PRKAG2: variants seen among roughly 807,000 people sequenced by gnomAD.
PRKAG2 encodes the protein 5'-AMP-activated protein kinase subunit gamma-2.
A neutral mutation model predicts 69.6 loss-of-function variants in PRKAG2; 26 were observed. The observed-to-expected ratio is 0.37, with a 90% CI of 0.27 to 0.52. The LOEUF is 0.52. PRKAG2 is among the 20% of genes least tolerant of loss of function. The pLI is 0.90. For missense variants in PRKAG2, 557 were observed against 740.0 expected (o/e 0.75, Z 2.87); for synonymous variants, 293 against 285.0 (o/e 1.03, Z -0.28).
intron 4 of PRKAG2, among the ~76,000 whole-genome samples, chr7:151,655,072 G>A (rs1225111413): frequency 3.3e-5 from 5 of 152,136 alleles, no homozygotes; most frequent in Admixed American, 1.3e-4. Context: ...CAAATGACAA[G>A]TATTACTCGG....
At position 151,836,571 on chromosome 7, in the gene PRKAG2, T is replaced by C. The variant is rs553282456; in HGVS notation, c.114+39936A>G. On this transcript the variant is annotated intron_variant, in intron 1 of 15. Transcript: ENST00000287878. This position sits in a 1 kb window ranked among gnomAD's most constrained non-coding sequence, Gnocchi z 4.1. ...GGATCAGAACTTGCCCCCTTCCCAG[T>C]GTGAATTCCCCTCCGATGGGGTGTG... Among the ~76,000 whole-genome samples the C allele has an allele frequency of 6.6e-6, 1 of 152,148 alleles. No homozygotes were observed. The highest frequency in any genetic ancestry group is 2.4e-5 in the African/African-American group (1 of 41,454).
intron 5 of PRKAG2, among the ~76,000 whole-genome samples, chr7:151,628,270 G>A (rs1279353326): frequency 6.6e-6 from 1 of 152,184 alleles, no homozygotes; most frequent in African/African-American, 2.4e-5. Flanking sequence ...ACTTCAAAAA[G>A]CATTCATGAG....
chr7:151,710,334 C>T (rs1013680374), intron 3 of PRKAG2, among the ~76,000 whole-genome samples: 10 of 152,186 alleles, frequency 6.6e-5, no homozygotes, highest in African/African-American at 2.4e-4. Flanking sequence ...AGGCTTCGCT[C>T]TCGCCCCCCG....
Position 151,876,757 on chromosome 7 carries a change from AGG to A in PRKAG2, c.-139_-138del, listed in dbSNP as rs2080415326. On this transcript the variant is annotated 5_prime_UTR_variant, in exon 1 of 16. Transcript: ENST00000287878. ...CCACCTCGTGGGGACTTCCGCGGAG[AGG>A]GAGGGTGAGCAGGGAACTCGCGCGG... is the stretch of plus-strand genomic sequence containing the variant. The A allele has an allele frequency of 5.9e-6, 5 of 847,006 alleles. No homozygotes were observed. The highest frequency in any genetic ancestry group is 7.7e-6 in the Non-Finnish European group (4 of 521,368). The allele number at this position is 847,006 out of a possible 1,614,324, so 52.5% of individuals were successfully genotyped here. A position where few individuals can be genotyped will look rare whatever the true frequency, so the allele number is the denominator to read the frequency against.
At chr7:151,822,606 G>A (rs2078814129) in intron 1 of PRKAG2, among the ~76,000 whole-genome samples, 1 of 152,204 alleles carries the variant, frequency 6.6e-6, no homozygotes, top group Admixed American at 6.5e-5. Flanking sequence ...GGAACGGTGA[G>A]CCGGCCCCGC....
intron 2 of PRKAG2, among the ~76,000 whole-genome samples, chr7:151,785,305 G>A (rs1384799712): frequency 6.6e-6 from 1 of 152,234 alleles, no homozygotes; most frequent in Non-Finnish European, 1.5e-5. Context: ...GGGTTTTGCA[G>A]AGTCAAACAG....
chr7:151,713,549 A>G (rs1224668892), intron 3 of PRKAG2, among the ~76,000 whole-genome samples: 1 of 151,786 alleles, frequency 6.6e-6, no homozygotes, highest in Non-Finnish European at 1.5e-5. Flanking sequence ...CATTTCAACA[A>G]CTATTAACTC....
intron 14 of PRKAG2, 28 bp from the exon 15 acceptor site, chr7:151,560,645 A>T (rs1804731643): frequency 3.1e-6 from 5 of 1,613,550 alleles, no homozygotes; most frequent in Non-Finnish European, 4.2e-6. Context: ...GGACACGTGA[A>T]AATTAACATT....
rs118047557 is a variant in PRKAG2, at chr7:151,716,968, C to T, written c.467-41331G>A. ...CAACAAAAGAGGGAAAGAGGTGGGCCGGGTGTGGTGGCTCACGCCTGTAAT... is the reference window on the plus strand; with the variant it reads ...CAACAAAAGAGGGAAAGAGGTGGGCTGGGTGTGGTGGCTCACGCCTGTAAT... On this transcript the variant is annotated intron_variant, in intron 3 of 15. Coordinates refer to ENST00000287878, the MANE Select transcript of PRKAG2 (RefSeq NM_016203.4). Among the ~76,000 whole-genome samples the T allele has an allele frequency of 5.2e-4, 79 of 152,172 alleles. 2 individuals carry two copies. The East Asian group carries it at 0.014, about 26-fold the overall frequency.
At chr7:151,795,863 ATATATATATATATATATATATATAT>A (rs2077488244) in intron 1 of PRKAG2, among the ~76,000 whole-genome samples, 2 of 110,382 alleles carry the variant, frequency 1.8e-5, no homozygotes, top group African/African-American at 7.7e-5. Flanking sequence ...ATATATATAT[ATATATATATATATATATATATATAT>A]ATCACGATAA....
chr7:151,827,895 A>G (rs1366541534), intron 1 of PRKAG2, among the ~76,000 whole-genome samples: 1 of 152,058 alleles, frequency 6.6e-6, no homozygotes, highest in East Asian at 1.9e-4. Flanking sequence ...ATATTGTAAT[A>G]GTGGATGTGG....
chr7:151,838,852 T>C (rs1212890157), intron 1 of PRKAG2, among the ~76,000 whole-genome samples: 1 of 150,654 alleles, frequency 6.6e-6, no homozygotes, highest in Non-Finnish European at 1.5e-5. Flanking sequence ...CCATCTCTAC[T>C]AAAAATACAA....
intron 4 of PRKAG2, among the ~76,000 whole-genome samples, chr7:151,659,049 G>A (rs938958132): frequency 5.9e-5 from 9 of 152,180 alleles, no homozygotes; most frequent in African/African-American, 2.2e-4. Flanking sequence ...TCTGGTGCCT[G>A]AGCAATCAAC....
At chr7:151,696,829 AG>A (rs1427279191) in intron 3 of PRKAG2, among the ~76,000 whole-genome samples, 1 of 152,196 alleles carries the variant, frequency 6.6e-6, no homozygotes, top group African/African-American at 2.4e-5. Context: ...AGTGGGGAGC[AG>A]CCCGGAGTGT....
chr7:151,704,486 A>C (rs1838270519), intron 3 of PRKAG2, among the ~76,000 whole-genome samples: 1 of 152,214 alleles, frequency 6.6e-6, no homozygotes, highest in South Asian at 2.1e-4. Context: ...AGGAGGTTCC[A>C]TTATGCAAAT....
At position 151,594,785 on chromosome 7, in the gene PRKAG2, TTGTGGACTAAG is replaced by T. The variant is rs1287658475; in HGVS notation, c.864+549_864+559del. ...TTAGGTCCTTAAATTCCACAACAACTTGTGGACTAAGCTTTCTTTTTCTTTTTTTTTTGAGA... is the reference window on the plus strand; with the variant it reads ...TTAGGTCCTTAAATTCCACAACAACTCTTTCTTTTTCTTTTTTTTTTGAGA... On this transcript the variant is annotated intron_variant, in intron 6 of 15. Coordinates refer to ENST00000287878, the MANE Select transcript of PRKAG2 (RefSeq NM_016203.4). 3.9e-5 allele frequency among the ~76,000 whole-genome samples: 6 copies of T among 151,934 alleles called. No individual in the cohort carries two copies. In the East Asian group the frequency reaches 7.7e-4, roughly 20 times the overall value.
intron 3 of PRKAG2, among the ~76,000 whole-genome samples, chr7:151,774,070 A>G (rs2076215180): frequency 6.6e-6 from 1 of 152,090 alleles, no homozygotes; most frequent in South Asian, 2.1e-4. Context: ...AGAGGGAGAG[A>G]CGGAAAAGTG....
intron 3 of PRKAG2, among the ~76,000 whole-genome samples, chr7:151,745,137 C>T (rs1324502665): frequency 2.6e-5 from 4 of 152,220 alleles, no homozygotes; most frequent in East Asian, 3.9e-4. Context: ...TGAGGATGCA[C>T]TACTCAAAAA....
chr7:151,682,650 A>G (rs1420938375), intron 3 of PRKAG2, among the ~76,000 whole-genome samples: 2 of 152,220 alleles, frequency 1.3e-5, no homozygotes, highest in Admixed American at 6.5e-5. Context: ...CCACGGGCCA[A>G]GTATGCTGGG....
Sources: gnomAD v4.1 joint callset for allele counts (sites outside exome capture counted in the v4.1 genomes callset) on GRCh38, gnomAD v4.1.1 for gene constraint, Gnocchi (gnomAD v3.1) non-coding constraint, MANE v1.5 for transcripts, NCBI Gene and HGNC (gene_info 2026-07-23, HGNC 2026-07-21) for gene names.